The following CSMD1 variants were observed in gnomAD, a reference collection of about 807,000 sequenced individuals.
The protein encoded by CSMD1 is CUB and sushi domain-containing protein 1.
Under a neutral mutation model 417.5 loss-of-function variants are expected in CSMD1, and 213 were observed. The ratio of observed to expected loss-of-function variants is 0.51; its 90% CI spans 0.46 to 0.57. CSMD1 has a LOEUF of 0.57. CSMD1 is among the 20% of genes least tolerant of loss of function. The pLI, the probability that CSMD1 is intolerant of heterozygous loss-of-function variation, is 0.00. For missense variants in CSMD1, 6,923 were observed against 4,529.7 expected (o/e 1.53, Z -15.17); for synonymous variants, 2,862 against 1,736.8 (o/e 1.65, Z -16.11).
chr8:4,905,962 C>A (rs1431240474), intron 1 of CSMD1, among the ~76,000 whole-genome samples: 2 of 152,152 alleles, frequency 1.3e-5, no homozygotes, highest in African/African-American at 4.8e-5. Context: ...ATTCATTCTT[C>A]CTGCCTTCAA....
intron 52 of CSMD1, among the ~76,000 whole-genome samples, chr8:3,017,507 T>C (rs892481706): frequency 4.6e-5 from 7 of 152,164 alleles, no homozygotes; most frequent in Non-Finnish European, 7.3e-5. Context: ...TATTACATAA[T>C]ACACTAGACA....
At chr8:4,604,388 T>TGC (rs1800756862) in intron 2 of CSMD1, among the ~76,000 whole-genome samples, 2 of 78,056 alleles carry the variant, frequency 2.6e-5, no homozygotes, top group Non-Finnish European at 7.5e-5. Context: ...GCATTGTGTG[T>TGC]GTGTGTGTGT....
At chr8:3,156,252 G>A (rs1819522873) in intron 39 of CSMD1, among the ~76,000 whole-genome samples, 1 of 152,150 alleles carries the variant, frequency 6.6e-6, no homozygotes, top group Admixed American at 6.5e-5. Flanking sequence ...TGGGTTCTGA[G>A]CACACCCCCA....
At chr8:3,907,546 A>T (rs1339925535) in intron 5 of CSMD1, among the ~76,000 whole-genome samples, 1 of 152,146 alleles carries the variant, frequency 6.6e-6, no homozygotes, top group East Asian at 1.9e-4. Context: ...ATTTTTAAGG[A>T]ATGGCCCAGC....
chr8:4,237,974 A>C (rs1802166978), intron 3 of CSMD1, among the ~76,000 whole-genome samples: 1 of 152,208 alleles, frequency 6.6e-6, no homozygotes, highest in Admixed American at 6.5e-5. Context: ...GGGTTGGCTC[A>C]GGGTGACAGA....
intron 1 of CSMD1, among the ~76,000 whole-genome samples, chr8:4,797,595 A>G (rs1472967578): frequency 2.0e-5 from 3 of 152,176 alleles, no homozygotes; most frequent in African/African-American, 7.2e-5. Flanking sequence ...ATTCCAGGGT[A>G]TGGGGGGAGA....
chr8:4,831,723 T>C (rs553662492), intron 1 of CSMD1, among the ~76,000 whole-genome samples: 77 of 152,282 alleles, frequency 5.1e-4, no homozygotes, highest in African/African-American at 1.7e-3. Flanking sequence ...CACAAACACA[T>C]GCCTGTACCT....
At chr8:3,269,869 G>A (rs1321152575) in intron 26 of CSMD1, among the ~76,000 whole-genome samples, 3 of 152,084 alleles carry the variant, frequency 2.0e-5, no homozygotes, top group African/African-American at 7.2e-5. Context: ...ATGGGGTTTG[G>A]ATATCTCATG....
chr8:3,016,708 A>G (rs1008890494), intron 52 of CSMD1, among the ~76,000 whole-genome samples: 2 of 152,110 alleles, frequency 1.3e-5, no homozygotes, highest in African/African-American at 4.8e-5. Flanking sequence ...TGTATCCAAT[A>G]TCTACAACAC....
At chr8:3,333,191 C>G (rs1201675690) in intron 23 of CSMD1, among the ~76,000 whole-genome samples, 1 of 152,168 alleles carries the variant, frequency 6.6e-6, no homozygotes, top group Non-Finnish European at 1.5e-5. Flanking sequence ...GAGACCACAG[C>G]CCAGCCAACA....
At chr8:4,871,499 G>T (rs1342931170) in intron 1 of CSMD1, among the ~76,000 whole-genome samples, 3 of 152,078 alleles carry the variant, frequency 2.0e-5, no homozygotes, top group Admixed American at 1.3e-4. Flanking sequence ...CAACGCCCGT[G>T]TATCTGTAAA....
At position 2,939,970 on chromosome 8, in the gene CSMD1, C is replaced by G. The variant is rs528589847; in HGVS notation, c.10536-1226G>C. Among the ~76,000 whole-genome samples the G allele has an allele frequency of 1.1e-4, 17 of 152,244 alleles. 1 individual carries two copies. The highest frequency in any genetic ancestry group is 3.4e-3 in the Middle Eastern group (1 of 294). On this transcript the variant is annotated intron_variant, in intron 69 of 69. Coordinates refer to ENST00000635120, the MANE Select transcript of CSMD1 (RefSeq NM_033225.6). ...GAGTGGAACTGGCTGCAGCTGGATG[C>G]TGACGTGCAGGTGTGCAGCTGCACC...
intron 7 of CSMD1, among the ~76,000 whole-genome samples, chr8:3,658,793 A>C (rs1459532521): frequency 6.6e-6 from 1 of 152,160 alleles, no homozygotes; most frequent in African/African-American, 2.4e-5. Flanking sequence ...AAAAAATAAA[A>C]ATAAAAATAA....
At chr8:3,842,661 T>C (rs1803211151) in intron 5 of CSMD1, among the ~76,000 whole-genome samples, 1 of 152,080 alleles carries the variant, frequency 6.6e-6, no homozygotes, top group Non-Finnish European at 1.5e-5. Context: ...TCATAAATTA[T>C]GTTGCATTTC....
At chr8:3,355,360 A>G (rs1808712041) in intron 21 of CSMD1, among the ~76,000 whole-genome samples, 1 of 152,198 alleles carries the variant, frequency 6.6e-6, no homozygotes, top group South Asian at 2.1e-4. Context: ...TCCATCATAT[A>G]TACTCTCTAA....
intron 6 of CSMD1, among the ~76,000 whole-genome samples, chr8:3,741,119 C>G (rs984982631): frequency 2.7e-5 from 4 of 146,228 alleles, no homozygotes; most frequent in African/African-American, 1.0e-4. Flanking sequence ...GAGTTTGAGG[C>G]AAGAGAATCA....
In CSMD1 at chr8:3,444,522, G is replaced by C. The variant is rs139077454; in HGVS notation, c.1561+24190C>G. ...CTTCTCTCCCCTCATTGGGACATTT[G>C]GCAATGTCTGGAGGCATTGGTATTT... On this transcript the variant is annotated intron_variant, in intron 12 of 69. Transcript: ENST00000635120. Among the ~76,000 whole-genome samples the C allele has an allele frequency of 4.6e-3, 698 of 152,184 alleles. 6 individuals carry two copies. Among genetic ancestry groups the C allele is most frequent in the African/African-American group, 0.016 (646 of 41,502 alleles).
chr8:3,439,114 C>G (rs1390683447), intron 12 of CSMD1, among the ~76,000 whole-genome samples: 2 of 46,890 alleles, frequency 4.3e-5, no homozygotes, highest in Admixed American at 3.9e-4. Context: ...CAGAGCAAGA[C>G]TCCATCTCAA....
intron 3 of CSMD1, among the ~76,000 whole-genome samples, chr8:4,056,533 TTTA>T (rs1554430824): frequency 1.3e-5 from 2 of 151,440 alleles, no homozygotes; most frequent in African/African-American, 2.4e-5. Flanking sequence ...TAATTTCAAT[TTTA>T]TTATTATTAT....
Sources: gnomAD v4.1 joint callset for allele counts (sites outside exome capture counted in the v4.1 genomes callset) on GRCh38, gnomAD v4.1.1 for gene constraint, MANE v1.5 for transcripts, NCBI Gene and HGNC (gene_info 2026-07-23, HGNC 2026-07-21) for gene names.